COL4A5: variants seen among roughly 807,000 people sequenced by gnomAD.
COL4A5 encodes the protein collagen alpha-5(IV) chain.
Under a neutral mutation model 130.2 loss-of-function variants are expected in COL4A5, and 26 were observed. The observed-to-expected ratio is 0.20, with a 90% CI of 0.15 to 0.28. The LOEUF (loss-of-function observed/expected upper bound fraction) is 0.28, where lower values mean the gene tolerates loss of function less well. Among genes scored for constraint, COL4A5 ranks in the 10% least tolerant of loss-of-function variants. The pLI, the probability that COL4A5 is intolerant of heterozygous loss-of-function variation, is 1.00. For synonymous variants in COL4A5, 496 were observed against 439.6 expected, an observed-to-expected ratio of 1.13 and a Z score of -1.60; for missense variants, 1,131 against 1,344.3, an observed-to-expected ratio of 0.84 and a Z score of 2.48.
At chrX:108,499,180 T>C (rs997769199) in intron 1 of COL4A5, among the ~76,000 whole-genome samples, 1 of 111,720 alleles carries the variant, frequency 9.0e-6, no homozygotes, top group Admixed American at 9.5e-5. Context: ...ATTTTTAGTT[T>C]GGTGACAATT....
intron 1 of COL4A5, among the ~76,000 whole-genome samples, chrX:108,475,113 G>T (rs1363679292): frequency 9.0e-6 from 1 of 111,290 alleles, no homozygotes; most frequent in Non-Finnish European, 1.9e-5. Flanking sequence ...TTTTATTATT[G>T]TTTTTTGTAT....
intron 47 of COL4A5, among the ~76,000 whole-genome samples, chrX:108,682,904 T>A (rs1256676533): frequency 8.9e-6 from 1 of 111,969 alleles, no homozygotes; most frequent in African/African-American, 3.2e-5. Context: ...TTTAATTAGA[T>A]CCCATTTGTC....
chrX:108,645,779 G>A (rs1181843114), intron 36 of COL4A5, among the ~76,000 whole-genome samples: 1 of 94,057 alleles, frequency 1.1e-5, no homozygotes, highest in Non-Finnish European at 2.1e-5. Flanking sequence ...CCCTTCCTGT[G>A]TCCATGTGTT....
intron 1 of COL4A5, among the ~76,000 whole-genome samples, chrX:108,528,008 C>T (rs1372156330): frequency 8.9e-6 from 1 of 112,125 alleles, no homozygotes; most frequent in Non-Finnish European, 1.9e-5. Context: ...AACCTGCTCA[C>T]CCACCTGGTC....
At chrX:108,688,416 T>TTTGTTG (rs765508920) in intron 49 of COL4A5, among the ~76,000 whole-genome samples, 1 of 109,457 alleles carries the variant, frequency 9.1e-6, no homozygotes, top group Non-Finnish European at 1.9e-5. Flanking sequence ...GGGGCTGCAT[T>TTTGTTG]TTGTTGTTGT....
intron 29 of COL4A5, among the ~76,000 whole-genome samples, chrX:108,614,194 T>C (rs1334961306): frequency 1.8e-5 from 2 of 112,162 alleles, no homozygotes; most frequent in Non-Finnish European, 3.8e-5. Context: ...ATGATTGCAT[T>C]TGTATGACAT....
chrX:108,488,075 G>A (rs747235223), intron 1 of COL4A5, among the ~76,000 whole-genome samples: 2 of 112,054 alleles, frequency 1.8e-5, no homozygotes, highest in Non-Finnish European at 3.8e-5. Flanking sequence ...ATTTACAATA[G>A]AGTGTACAAT....
chrX:108,638,227 T>TCAAGTGAGA (rs1191618891), intron 36 of COL4A5, among the ~76,000 whole-genome samples: 1 of 111,299 alleles, frequency 9.0e-6, no homozygotes, highest in Non-Finnish European at 1.9e-5. Context: ...TATGCCATGG[T>TCAAGTGAGA]CAAGTGAGAT....
intron 42 of COL4A5, among the ~76,000 whole-genome samples, chrX:108,672,455 A>T (rs1238001622): frequency 8.9e-6 from 1 of 112,517 alleles, no homozygotes; most frequent in Non-Finnish European, 1.9e-5. Context: ...GGTCTCTGTG[A>T]TGTTTTCTTC....
At position 108,551,492 on chromosome X, in the gene COL4A5, T is replaced by G. The variant is rs953772176; in HGVS notation, c.142-7572T>G. ...CGTTAAAATGGCTATTATTAAAAAG[T>G]TAGAATGGCTATTATTAAAAAGTTA... is the stretch of plus-strand genomic sequence containing the variant. On this transcript the variant is annotated intron_variant, in intron 2 of 52. Transcript: ENST00000328300. 5.4e-5 allele frequency among the ~76,000 whole-genome samples: 6 copies of G among 111,771 alleles called. No homozygotes were observed. The Admixed American group carries it at 5.7e-4, about 11-fold the overall frequency.
At chrX:108,510,267 C>T (rs985601892) in intron 1 of COL4A5, among the ~76,000 whole-genome samples, 2 of 110,670 alleles carry the variant, frequency 1.8e-5, no homozygotes, top group Non-Finnish European at 3.8e-5. Flanking sequence ...AAGACTTTAC[C>T]AATATAACAA....
intron 1 of COL4A5, among the ~76,000 whole-genome samples, chrX:108,453,961 A>G (rs1467996725): frequency 8.9e-6 from 1 of 112,400 alleles, no homozygotes; most frequent in Non-Finnish European, 1.9e-5. Context: ...CACAAACCAC[A>G]GCAGAAGAGA....
intron 1 of COL4A5, among the ~76,000 whole-genome samples, chrX:108,454,345 T>A (rs983416013): frequency 9.0e-6 from 1 of 111,709 alleles, no homozygotes; most frequent in African/African-American, 3.3e-5. Flanking sequence ...TGGCATGATC[T>A]CAGCTCACTG....
intron 30 of COL4A5, among the ~76,000 whole-genome samples, chrX:108,615,494 C>G (rs762724394): frequency 9.0e-6 from 1 of 110,745 alleles, no homozygotes; most frequent in South Asian, 3.8e-4. Flanking sequence ...GAGTTATTTT[C>G]CCTTTTTGCC....
intron 16 of COL4A5, among the ~76,000 whole-genome samples, chrX:108,581,823 T>C (rs890676794): frequency 1.8e-5 from 2 of 110,803 alleles, no homozygotes; most frequent in Non-Finnish European, 3.8e-5. Context: ...TGAATAAAAC[T>C]TTTATATTCA....
At chrX:108,553,970 A>G (rs372587689) in intron 2 of COL4A5, among the ~76,000 whole-genome samples, 22 of 112,109 alleles carry the variant, frequency 2.0e-4, no homozygotes, top group African/African-American at 7.1e-4. Flanking sequence ...AAGTTAGACA[A>G]AAAGAGTACA....
chrX:108,451,504 C>T (rs1178214674), intron 1 of COL4A5, among the ~76,000 whole-genome samples: 1 of 111,805 alleles, frequency 8.9e-6, no homozygotes, highest in Admixed American at 9.5e-5. Context: ...TCTCCAGCAC[C>T]TGCTGTTTTC....
At position 108,692,788 on chromosome X, in the gene COL4A5, T is replaced by C; in HGVS notation, c.4569T>C (p.Pro1523=). ...GSCLRRFSTM[P]FMFCNINNVC... Reference sequence around the variant, plus strand: ...GCCTTCGTCGCTTTAGTACCATGCCTTTCATGTTCTGCAACATCAATAATG... The same window carrying C: ...GCCTTCGTCGCTTTAGTACCATGCCCTTCATGTTCTGCAACATCAATAATG... The change falls in exon 50 of 53, where the codon CCT becomes CCC. Residue 1523 remains proline (P), a synonymous_variant. Coordinates refer to ENST00000328300, the MANE Select transcript of COL4A5 (RefSeq NM_033380.3). The C allele has an allele frequency of 1.7e-6, 2 of 1,211,427 alleles. No individual in the cohort carries two copies. The highest frequency in any genetic ancestry group is 2.2e-6 in the Non-Finnish European group (2 of 895,321).
chrX:108,518,521 A>T (rs1433463338), intron 1 of COL4A5, among the ~76,000 whole-genome samples: 9 of 110,147 alleles, frequency 8.2e-5, no homozygotes, highest in Non-Finnish European at 1.7e-4. Flanking sequence ...GAAGCCTTAA[A>T]CTCTGGCATA....
Sources: gnomAD v4.1 joint callset for allele counts (sites outside exome capture counted in the v4.1 genomes callset) on GRCh38, gnomAD v4.1.1 for gene constraint, MANE v1.5 for transcripts, NCBI Gene and HGNC (gene_info 2026-07-23, HGNC 2026-07-21) for gene names.